SHBG: variants seen among roughly 807,000 people sequenced by gnomAD.
SHBG encodes sex hormone-binding globulin.
In SHBG, 37 loss-of-function variants were observed where a neutral mutation model predicts 41.9. That is an observed-to-expected ratio of 0.88 (90% CI 0.68 to 1.16). The LOEUF (loss-of-function observed/expected upper bound fraction) is 1.16. SHBG is among the 50% of genes most tolerant of loss of function. The probability of loss-of-function intolerance (pLI) is 0.00; values close to 1 mark genes in which losing one functional copy is unlikely to be tolerated. For missense variants in SHBG, 466 were observed against 499.9 expected (o/e 0.93, Z 0.65); for synonymous variants, 217 against 205.8 (o/e 1.05, Z -0.47).
intron 1 of SHBG, among the ~76,000 whole-genome samples, chr17:7,615,353 A>AT (rs1208263868): frequency 6.6e-6 from 1 of 152,056 alleles, no homozygotes; most frequent in Non-Finnish European, 1.5e-5. Flanking sequence ...GAAAAAAAAA[A>AT]GAAGAGGAGT....
chr17:7,622,743 C>A (rs1055927112), intron 1 of SHBG, among the ~76,000 whole-genome samples: 1 of 151,568 alleles, frequency 6.6e-6, no homozygotes, highest in South Asian at 2.1e-4. Flanking sequence ...AAAATGTAAA[C>A]CCTGGGCTGG....
upstream of SHBG, chr17:7,626,661 A>C (rs777426980): frequency 6.8e-6 from 11 of 1,610,808 alleles, no homozygotes; most frequent in East Asian, 2.0e-4. Context: ...AAAAAGAAAA[A>C]GGTTTTCTCA....
At chr17:7,626,172 C>T (rs1386909077), upstream of SHBG, 5 of 315,838 alleles carry the variant, frequency 1.6e-5, no homozygotes, top group South Asian at 1.5e-4. Flanking sequence ...CCAGCGTGCG[C>T]GACAGAGACT....
upstream of SHBG, chr17:7,627,259 A>T: frequency 1.2e-6 from 2 of 1,613,536 alleles, no homozygotes; most frequent in Non-Finnish European, 8.5e-7. This position sits in a 1 kb window ranked among gnomAD's most constrained non-coding sequence, Gnocchi z 4.8. Flanking sequence ...AAAGAGATAG[A>T]GAAAGAGGAC....
chr17:7,633,260 C>A lies in SHBG; in HGVS notation c.1117C>A (p.Leu373Met), dbSNP rs1567769423. Residue 373 changes from leucine (L) to methionine (M), a missense_variant, in exon 8 of 8, where the codon CTG (leucine) becomes ATG (methionine). Physicochemically the swap from Leu to Met is conservative, Grantham distance 15 (BLOSUM62 2). Transcript: ENST00000380450. Reference protein sequence around the residue: ...LNGLWAQGQRLDVDQALNRSH... With the variant: ...LNGLWAQGQRMDVDQALNRSH... ...TGGCCTTTGGGCACAAGGTCAGAGG[C>A]TGGATGTGGACCAGGCCCTGAACAG... 2 of 1,614,028 alleles carry A rather than the reference C, an allele frequency of 1.2e-6. No individual in the cohort carries two copies. Among genetic ancestry groups the A allele is most frequent in the African/African-American group, 2.7e-5 (2 of 74,916 alleles).
At chr17:7,632,100 G>T in intron 6 of SHBG, 85 bp downstream of exon 6, 1 of 1,417,872 alleles carries the variant, frequency 7.1e-7, no homozygotes, top group South Asian at 1.1e-5. Context: ...GTCAATATTA[G>T]GAAGGTTTCC....
At chr17:7,622,137 G>C (rs914162391) in intron 1 of SHBG, among the ~76,000 whole-genome samples, 1 of 151,138 alleles carries the variant, frequency 6.6e-6, no homozygotes, top group African/African-American at 2.4e-5. Flanking sequence ...GAGCCACTAC[G>C]CCCAGCCCAA....
upstream of SHBG, among the ~76,000 whole-genome samples, chr17:7,624,667 T>C (rs898635502): frequency 2.6e-5 from 4 of 151,814 alleles, no homozygotes; most frequent in African/African-American, 9.7e-5. Flanking sequence ...TGTTTTTGTT[T>C]TTGAGACTGG....
chr17:7,615,827 C>G (rs946251048), intron 1 of SHBG, among the ~76,000 whole-genome samples: 4 of 138,230 alleles, frequency 2.9e-5, no homozygotes, highest in African/African-American at 1.1e-4. Context: ...GAGCAAGACT[C>G]AGTCTCAAAA....
chr17:7,630,502 C>T lies in SHBG; in HGVS notation c.198C>T (p.Ile66=), dbSNP rs1010704863. 8 of 1,613,766 alleles carry T rather than the reference C, an allele frequency of 5.0e-6. No individual in the cohort carries two copies. The African/African-American group carries it at 1.1e-4, about 22-fold the overall frequency. Residue 66 remains isoleucine (I), a synonymous_variant, in exon 2 of 8, where the codon ATC becomes ATT. Transcript: ENST00000380450. The surrounding 1 kb of genome is among the most constrained non-coding windows in gnomAD (Gnocchi z 4.6). ...IAVMTFDLTK[I]TKTSSSFEVR... ...TCATGACCTTTGACCTCACCAAGATCACAAAGTATGGGGTTGGCCTAGCCC... is the reference window on the plus strand; with the variant it reads ...TCATGACCTTTGACCTCACCAAGATTACAAAGTATGGGGTTGGCCTAGCCC...
rs939212618 is a variant in SHBG, at chr17:7,631,643, G to C, written c.610G>C (p.Ala204Pro). ...LRRDSWLDKQAEISASAPTSL... is the reference protein window; with the variant it reads ...LRRDSWLDKQPEISASAPTSL... ...CCGGGATTCCTGGCTGGACAAACAGGCCGAGATCTCAGCATCTGCCCCCAC... is the reference window on the plus strand; with the variant it reads ...CCGGGATTCCTGGCTGGACAAACAGCCCGAGATCTCAGCATCTGCCCCCAC... Residue 204 changes from alanine (A) to proline (P), a missense_variant, in exon 5 of 8, where the codon GCC (alanine) becomes CCC (proline). Transcript: ENST00000380450. 5 of 1,613,982 alleles carry C rather than the reference G, an allele frequency of 3.1e-6. No homozygotes were observed. Among genetic ancestry groups the C allele is most frequent in the Non-Finnish European group, 4.2e-6 (5 of 1,180,024 alleles).
intron 1 of SHBG, among the ~76,000 whole-genome samples, chr17:7,622,233 T>A (rs933479498): frequency 6.6e-6 from 1 of 151,744 alleles, no homozygotes; most frequent in African/African-American, 2.4e-5. Flanking sequence ...CCAGGCCCTT[T>A]TCACCCCACT....
At chr17:7,625,393 C>T (rs1006727866), upstream of SHBG, among the ~76,000 whole-genome samples, 44 of 150,362 alleles carry the variant, frequency 2.9e-4, no homozygotes, top group Non-Finnish European at 3.1e-4. Flanking sequence ...CTGGCTAACA[C>T]GGTGAAACCC....
chr17:7,629,170 C>T (rs539494118), upstream of SHBG, among the ~76,000 whole-genome samples: 1 of 151,840 alleles, frequency 6.6e-6, no homozygotes, highest in African/African-American at 2.4e-5. Flanking sequence ...GTCAGAGGTT[C>T]GAGATCAGCC....
chr17:7,626,927 A>G (rs2072228611), upstream of SHBG: 1 of 1,612,394 alleles, frequency 6.2e-7, no homozygotes, highest in Non-Finnish European at 8.5e-7. Flanking sequence ...CCCCAGCCTC[A>G]GCTTCTGCCC....
chr17:7,631,952 C>CAG lies in SHBG; in HGVS notation c.789_790insAG (p.His264SerfsTer46). 6.2e-7 allele frequency: 1 copy of CAG among 1,614,048 alleles called. No individual in the cohort carries two copies. Among genetic ancestry groups the CAG allele is most frequent in the Non-Finnish European group, 8.5e-7 (1 of 1,179,980 alleles). On this transcript the variant is annotated frameshift_variant, in exon 6 of 8. Coordinates refer to ENST00000380450, the MANE Select transcript of SHBG (RefSeq NM_001040.5). LOFTEE classifies it high-confidence loss of function. Reference sequence around the variant, plus strand: ...GACTCAAGCAGGCAGCAGGCTCAGGCCACCTCCTTGCTCTTGGGACACCAG... The same window carrying CAG: ...GACTCAAGCAGGCAGCAGGCTCAGGCAGCACCTCCTTGCTCTTGGGACACCAG...
At chr17:7,624,587 G>A (rs2072158522), upstream of SHBG, among the ~76,000 whole-genome samples, 1 of 152,024 alleles carries the variant, frequency 6.6e-6, no homozygotes, top group African/African-American at 2.4e-5. Context: ...GGCTGGTCTT[G>A]AACTCCTGGG....
Position 7,633,368 on chromosome 17 carries a change from C to T in SHBG, c.*16C>T, listed in dbSNP as rs1311648288. 1.9e-6 allele frequency: 3 copies of T among 1,612,038 alleles called. No homozygotes were observed. The highest frequency in any genetic ancestry group is 2.2e-5 in the East Asian group (1 of 44,830). On this transcript the variant is annotated 3_prime_UTR_variant, in exon 8 of 8. Coordinates refer to ENST00000380450, the MANE Select transcript of SHBG (RefSeq NM_001040.5). ...TTCCCATTAAAGCTCCACCTAAGAA[C>T]CCCCTTTGAAAGTTACTGATTATTC...
chr17:7,624,020 C>T (rs1242016973), upstream of SHBG, among the ~76,000 whole-genome samples: 1 of 152,140 alleles, frequency 6.6e-6, no homozygotes, highest in Non-Finnish European at 1.5e-5. Flanking sequence ...AGTGCAATCT[C>T]GGCTCACTGC....
Sources: gnomAD v4.1 joint callset for allele counts (sites outside exome capture counted in the v4.1 genomes callset) on GRCh38, gnomAD v4.1.1 for gene constraint, Gnocchi (gnomAD v3.1) non-coding constraint, MANE v1.5 for transcripts, NCBI Gene and HGNC (gene_info 2026-07-23, HGNC 2026-07-21) for gene names.